RUNX1T1: variants seen among roughly 807,000 people sequenced by gnomAD.
The protein encoded by RUNX1T1 is RUNX1 partner transcriptional co-repressor 1, also known as protein CBFA2T1.
In RUNX1T1, 4 loss-of-function variants were observed where a neutral mutation model predicts 62.8. The ratio of observed to expected loss-of-function variants is 0.06; its 90% CI spans 0.03 to 0.15. The LOEUF is 0.15. Among genes scored for constraint, RUNX1T1 ranks in the 10% least tolerant of loss-of-function variants. The pLI is 1.00. For missense variants in RUNX1T1, 508 were observed against 754.3 expected, an observed-to-expected ratio of 0.67 and a Z score of 3.82; for synonymous variants, 291 against 286.0, an observed-to-expected ratio of 1.02 and a Z score of -0.18.
At chr8:92,019,394 C>A (rs1483255751) in intron 1 of RUNX1T1, among the ~76,000 whole-genome samples, 3 of 151,552 alleles carry the variant, frequency 2.0e-5, no homozygotes, top group African/African-American at 7.3e-5. Context: ...CACGTGGTTG[C>A]ACAGACAGAG....
intron 1 of RUNX1T1, among the ~76,000 whole-genome samples, chr8:92,097,774 T>C (rs1837853084): frequency 6.6e-6 from 1 of 152,214 alleles, no homozygotes; most frequent in Non-Finnish European, 1.5e-5. Flanking sequence ...ATTAGTACCT[T>C]GTTTGTTCAT....
At chr8:91,959,890 G>A in exon 11 of RUNX1T1, 1 of 323,880 alleles carries the variant, frequency 3.1e-6, no homozygotes, top group Non-Finnish European at 5.8e-6. Context: ...TTGGTTTGCT[G>A]TTTGGTAAAG....
chr8:92,062,698 GGGCGCGT>G (rs1244779754), exon 1 of RUNX1T1: 2 of 1,609,390 alleles, frequency 1.2e-6, no homozygotes, highest in Non-Finnish European at 1.7e-6. Flanking sequence ...GCAGGGTGCT[GGGCGCGT>G]GCGCCTGCCA....
chr8:92,069,127 T>C (rs1289787764), intron 2 of RUNX1T1, among the ~76,000 whole-genome samples: 1 of 147,190 alleles, frequency 6.8e-6, no homozygotes, highest in African/African-American at 2.4e-5. Flanking sequence ...ACAATATTTA[T>C]TCCCTATTTT....
intron 2 of RUNX1T1, among the ~76,000 whole-genome samples, chr8:92,071,673 C>G (rs996647087): frequency 6.6e-6 from 1 of 152,130 alleles, no homozygotes; most frequent in Non-Finnish European, 1.5e-5. Context: ...ACAGGGCTGG[C>G]CTTGCAGGAT....
intron 1 of RUNX1T1, among the ~76,000 whole-genome samples, chr8:92,058,915 C>T (rs900313065): frequency 1.7e-4 from 26 of 152,064 alleles, no homozygotes; most frequent in Non-Finnish European, 3.5e-4. Flanking sequence ...TCACCCCCTT[C>T]AAGAAAAAGA....
At chr8:91,970,787 C>G in exon 10 of RUNX1T1, 1 of 1,613,456 alleles carries the variant, frequency 6.2e-7, no homozygotes, top group Non-Finnish European at 8.5e-7. Flanking sequence ...TCCGCTCCGC[C>G]TCAGACACGG....
intron 1 of RUNX1T1, among the ~76,000 whole-genome samples, chr8:92,088,072 A>G (rs79321232): frequency 0.024 from 3,619 of 152,330 alleles, 135 homozygotes; most frequent in African/African-American, 0.082. Flanking sequence ...GCTGAACCGG[A>G]GAATGAAAAT....
At chr8:91,973,566 G>T (rs1386008590) in intron 9 of RUNX1T1, among the ~76,000 whole-genome samples, 15 of 151,936 alleles carry the variant, frequency 9.9e-5, no homozygotes, top group Admixed American at 9.8e-4. Context: ...TTGCAACAAA[G>T]ATAATGTATA....
chr8:92,062,970 C>A, upstream of RUNX1T1: 1 of 1,219,790 alleles, frequency 8.2e-7, no homozygotes, highest in Middle Eastern at 3.4e-4. Flanking sequence ...TTCACCACCA[C>A]CCCCATCCTG....
upstream of RUNX1T1, among the ~76,000 whole-genome samples, chr8:92,101,911 G>A (rs113743171): frequency 0.04 from 6,139 of 152,196 alleles, 406 homozygotes; most frequent in African/African-American, 0.14. Flanking sequence ...GGTGAGCGGC[G>A]GGCCCTGGAG....
At chr8:92,047,284 C>T (rs2130292002) in intron 1 of RUNX1T1, among the ~76,000 whole-genome samples, 1 of 152,144 alleles carries the variant, frequency 6.6e-6, no homozygotes, top group East Asian at 1.9e-4. Flanking sequence ...CTCTACATGG[C>T]CGCTTCCCTC....
At chr8:92,023,722 C>T (rs1241555139) in intron 1 of RUNX1T1, among the ~76,000 whole-genome samples, 1 of 152,196 alleles carries the variant, frequency 6.6e-6, no homozygotes, top group Admixed American at 6.5e-5. Context: ...GCACTAGGAG[C>T]AGAAACCTAT....
chr8:92,018,446 T>G (rs1450655632), intron 1 of RUNX1T1, among the ~76,000 whole-genome samples: 1 of 152,246 alleles, frequency 6.6e-6, no homozygotes, highest in Non-Finnish European at 1.5e-5. Context: ...TTAGATCTAA[T>G]TCTTTCACAA....
exon 2 of RUNX1T1, chr8:92,076,063 T>C: frequency 6.2e-7 from 1 of 1,608,792 alleles, no homozygotes; most frequent in Non-Finnish European, 8.5e-7. Flanking sequence ...TCTCCACCAA[T>C]CGCTCTGCTA....
intron 1 of RUNX1T1, among the ~76,000 whole-genome samples, chr8:92,058,104 T>C (rs1306641249): frequency 6.6e-6 from 1 of 152,114 alleles, no homozygotes; most frequent in African/African-American, 2.4e-5. Flanking sequence ...CCCTCTGGGC[T>C]CCTGCATGAT....
chr8:91,964,217 C>A (rs944317217), intron 10 of RUNX1T1, among the ~76,000 whole-genome samples: 8 of 152,074 alleles, frequency 5.3e-5, no homozygotes, highest in Non-Finnish European at 1.0e-4. Flanking sequence ...TCTCTTTGTC[C>A]CTAAGAAAAA....
intron 5 of RUNX1T1, among the ~76,000 whole-genome samples, chr8:91,993,079 C>T (rs183778235): frequency 3.3e-5 from 5 of 152,286 alleles, no homozygotes; most frequent in East Asian, 1.9e-4. Context: ...TTCCCAGGGA[C>T]GTTTTCTCAT....
intron 4 of RUNX1T1, 157 bp downstream of exon 5, chr8:92,010,845 G>A: frequency 2.1e-6 from 1 of 484,408 alleles, no homozygotes; most frequent in Non-Finnish European, 3.7e-6. Flanking sequence ...GTAATTTTCA[G>A]ACTACTTAGG....
Sources: gnomAD v4.1 joint callset for allele counts (sites outside exome capture counted in the v4.1 genomes callset) on GRCh38, gnomAD v4.1.1 for gene constraint, MANE v1.5 for transcripts, NCBI Gene and HGNC (gene_info 2026-07-23, HGNC 2026-07-21) for gene names.